The following RCSD1 variants were observed in gnomAD, a reference collection of about 807,000 sequenced individuals.
RCSD1 encodes the protein capZ-interacting protein.
In RCSD1, 26 loss-of-function variants were observed where a neutral mutation model predicts 42.5. The ratio of observed to expected loss-of-function variants is 0.61; its 90% CI spans 0.45 to 0.85. The LOEUF (loss-of-function observed/expected upper bound fraction) is 0.85. RCSD1 is among the 40% of genes least tolerant of loss of function. The pLI is 0.00. For missense variants in RCSD1, 571 were observed against 528.3 expected (o/e 1.08, Z -0.79); for synonymous variants, 220 against 212.2 (o/e 1.04, Z -0.32).
At chr1:167,677,240 C>T (rs1330640206) in intron 1 of RCSD1, among the ~76,000 whole-genome samples, 1 of 152,212 alleles carries the variant, frequency 6.6e-6, no homozygotes, top group Non-Finnish European at 1.5e-5. Flanking sequence ...TACCCCAATG[C>T]ATTCTACAGT....
rs142432575 is a variant in RCSD1 at position 167,634,148 on chromosome 1, T to A, written c.6+3719T>A. ...CCCCTCTCGGTCTGTAGCTCAAACG[T>A]CTCCACCTCTGGAAGGCTTCTGTGA... On this transcript the variant is annotated intron_variant, in intron 1 of 6. Transcript: ENST00000367854. 4.3e-4 allele frequency among the ~76,000 whole-genome samples: 66 copies of A among 152,238 alleles called. No individual in the cohort carries two copies. The East Asian group carries it at 0.012, about 27-fold the overall frequency.
chr1:167,634,064 A>G (rs1033187165), intron 1 of RCSD1, among the ~76,000 whole-genome samples: 1 of 152,228 alleles, frequency 6.6e-6, no homozygotes, highest in African/African-American at 2.4e-5. Context: ...GCATATAGTC[A>G]TATAATTTCT....
chr1:167,685,410 C>T lies in RCSD1; in HGVS notation c.109-11C>T. 6.2e-7 allele frequency: 1 copy of T among 1,609,784 alleles called. No individual in the cohort carries two copies. Among genetic ancestry groups the T allele is most frequent in the Non-Finnish European group, 8.5e-7 (1 of 1,176,594 alleles). On this transcript the variant is annotated splice_polypyrimidine_tract_variant and intron_variant, in intron 2 of 6. Coordinates refer to ENST00000367854, the MANE Select transcript of RCSD1 (RefSeq NM_052862.4). ...TTTTCTCTGTGTGTCTGTCTGTCGC[C>T]CTCCCTCCAGACACCAGCCAGTAAA...
intron 1 of RCSD1, among the ~76,000 whole-genome samples, chr1:167,638,724 C>T (rs1396518711): frequency 2.6e-5 from 4 of 152,250 alleles, no homozygotes; most frequent in Non-Finnish European, 5.9e-5. Flanking sequence ...AGTTGTGTCT[C>T]TGGGTGAAAC....
At chr1:167,666,119 C>G (rs1464396142) in intron 1 of RCSD1, among the ~76,000 whole-genome samples, 2 of 152,186 alleles carry the variant, frequency 1.3e-5, no homozygotes, top group Non-Finnish European at 2.9e-5. Context: ...GCCAAATGAG[C>G]ACTTTTTAAT....
At chr1:167,674,975 G>A (rs1396577357) in intron 1 of RCSD1, among the ~76,000 whole-genome samples, 5 of 152,084 alleles carry the variant, frequency 3.3e-5, no homozygotes, top group African/African-American at 9.7e-5. Context: ...GGGAGGCTGA[G>A]GTGGGTGAAT....
At chr1:167,702,078 C>T (rs114969773) in intron 6 of RCSD1, among the ~76,000 whole-genome samples, 363 of 152,334 alleles carry the variant, frequency 2.4e-3, no homozygotes, top group African/African-American at 8.4e-3. Context: ...AACAAGCACC[C>T]GTTATCCCTA....
At chr1:167,649,291 G>A (rs563441467) in intron 1 of RCSD1, among the ~76,000 whole-genome samples, 6 of 152,306 alleles carry the variant, frequency 3.9e-5, no homozygotes, top group Non-Finnish European at 8.8e-5. Context: ...GCAAGACCTC[G>A]AGAACCTCTT....
intron 1 of RCSD1, among the ~76,000 whole-genome samples, chr1:167,663,085 C>T (rs983795046): frequency 6.6e-6 from 1 of 152,184 alleles, no homozygotes; most frequent in Non-Finnish European, 1.5e-5. Context: ...GTGGCCTCGC[C>T]TGCCTCCCAG....
chr1:167,637,911 C>A (rs1027527650), intron 1 of RCSD1, among the ~76,000 whole-genome samples: 1 of 152,226 alleles, frequency 6.6e-6, no homozygotes, highest in Non-Finnish European at 1.5e-5. Context: ...GACTGTAGAG[C>A]AGCAGCCAAC....
chr1:167,632,471 G>A lies in RCSD1; in HGVS notation c.6+2042G>A, dbSNP rs540913502. 2.0e-5 allele frequency among the ~76,000 whole-genome samples: 3 copies of A among 152,288 alleles called. No individual in the cohort carries two copies. The East Asian group carries it at 5.8e-4, about 29-fold the overall frequency. ...TCAGATGAGGAAGGAATAGTGTATG[G>A]CAGAGGCCCTGAAACTATCAGCTGA... is the stretch of plus-strand genomic sequence containing the variant. On this transcript the variant is annotated intron_variant, in intron 1 of 6. Coordinates refer to ENST00000367854, the MANE Select transcript of RCSD1 (RefSeq NM_052862.4).
chr1:167,673,956 G>A (rs1658874481), intron 1 of RCSD1, among the ~76,000 whole-genome samples: 1 of 152,146 alleles, frequency 6.6e-6, no homozygotes, highest in African/African-American at 2.4e-5. Context: ...CTTCTCCTGA[G>A]CTTCCATTGC....
chr1:167,673,288 T>C lies in RCSD1; in HGVS notation c.7-10612T>C, dbSNP rs115031585. ...CAGATTCCCTCCATTTGCCCAAGGTTTTCAGAATGGATTGAAACATAGATT... is the reference window on the plus strand; with the variant it reads ...CAGATTCCCTCCATTTGCCCAAGGTCTTCAGAATGGATTGAAACATAGATT... On this transcript the variant is annotated intron_variant, in intron 1 of 6. Coordinates refer to ENST00000367854, the MANE Select transcript of RCSD1 (RefSeq NM_052862.4). 5.5e-3 allele frequency among the ~76,000 whole-genome samples: 836 copies of C among 152,338 alleles called. 1 individual carries two copies. Among genetic ancestry groups the C allele is most frequent in the African/African-American group, 0.018 (751 of 41,568 alleles).
chr1:167,667,561 G>T (rs1658690659), intron 1 of RCSD1, among the ~76,000 whole-genome samples: 1 of 152,214 alleles, frequency 6.6e-6, no homozygotes, highest in Admixed American at 6.5e-5. Context: ...AACTGGAGAA[G>T]ACAGATACCC....
chr1:167,692,953 GGACCA>G (rs1335855638), intron 4 of RCSD1, among the ~76,000 whole-genome samples: 1 of 151,222 alleles, frequency 6.6e-6, no homozygotes, highest in Non-Finnish European at 1.5e-5. Flanking sequence ...GAGTACACAG[GGACCA>G]GATAGAAAAG....
At chr1:167,644,488 AATACATACATAC>A (rs67816313) in intron 1 of RCSD1, among the ~76,000 whole-genome samples, 42 of 76,722 alleles carry the variant, frequency 5.5e-4, no homozygotes, top group East Asian at 1.6e-3. Flanking sequence ...TCAAAAAATA[AATACATACATAC>A]ATACATACAT....
chr1:167,630,256 G>A lies in RCSD1; in HGVS notation c.-168G>A, dbSNP rs1657659840. 2 of 346,236 alleles carry A rather than the reference G, an allele frequency of 5.8e-6. No individual in the cohort carries two copies. The highest frequency in any genetic ancestry group is 8.1e-6 in the Non-Finnish European group (2 of 247,214). The allele number at this position is 346,236 out of a possible 1,614,324, so 21.4% of individuals were successfully genotyped here. On this transcript the variant is annotated 5_prime_UTR_variant, in exon 1 of 7. Transcript: ENST00000367854. ...TCTCTCGCGCAGGGCCCCCGCGGCC[G>A]GGGCAGTCCCGCAGCCGAGCGCAGC... is the stretch of plus-strand genomic sequence containing the variant.
chr1:167,650,096 C>T (rs12760768), intron 1 of RCSD1, among the ~76,000 whole-genome samples: 30,405 of 152,080 alleles, frequency 0.2, 3,423 homozygotes, highest in Non-Finnish European at 0.24. Flanking sequence ...GATTTGGGGG[C>T]CTCACCGGAA....
intron 1 of RCSD1, among the ~76,000 whole-genome samples, chr1:167,649,986 C>T (rs991528403): frequency 6.6e-6 from 1 of 152,142 alleles, no homozygotes; most frequent in Non-Finnish European, 1.5e-5. Context: ...AGTGTTAACA[C>T]GTTGCAGGAG....
Sources: allele counts gnomAD v4.1 joint callset (sites outside exome capture counted in the v4.1 genomes callset), GRCh38; gene constraint gnomAD v4.1.1; transcripts MANE v1.5; gene names NCBI Gene and HGNC (gene_info 2026-07-23, HGNC 2026-07-21).